EXOC2: variants seen among roughly 807,000 people sequenced by gnomAD.
EXOC2 encodes the protein SEC5-like 1.
EXOC2 carries 70 observed loss-of-function variants against 131.8 expected under a neutral mutation model. That is an observed-to-expected ratio of 0.53 (90% CI 0.44 to 0.65). The LOEUF (loss-of-function observed/expected upper bound fraction) is 0.65. Ranked by LOEUF, EXOC2 falls within the 30% of genes least tolerant of loss-of-function variation. The pLI is 0.00. For missense variants in EXOC2, 923 were observed against 1,108.6 expected, an observed-to-expected ratio of 0.83 and a Z score of 2.38; for synonymous variants, 411 against 398.4, an observed-to-expected ratio of 1.03 and a Z score of -0.38.
intron 6 of EXOC2, among the ~76,000 whole-genome samples, chr6:616,416 A>T (rs2127674081): frequency 6.6e-6 from 1 of 151,956 alleles, no homozygotes; most frequent in East Asian, 2.0e-4. Context: ...ATCCTGGCTA[A>T]CACGGTGAAA....
Position 659,998 on chromosome 6 carries a change from G to A in EXOC2, c.-43-22137C>T, listed in dbSNP as rs9504642. Among the ~76,000 whole-genome samples the A allele has an allele frequency of 4.0e-5, 6 of 151,620 alleles. No homozygotes were observed. The South Asian group carries it at 6.3e-4, about 16-fold the overall frequency. On this transcript the variant is annotated intron_variant, in intron 1 of 27. Transcript: ENST00000230449. ...CCGTCTTGCCACTCAGGGCTGTTGG[G>A]GGGGGGACACGGGGGGCACGGTGGT...
At chr6:557,378 G>T (rs1456420380) in intron 17 of EXOC2, among the ~76,000 whole-genome samples, 2 of 152,136 alleles carry the variant, frequency 1.3e-5, no homozygotes, top group Non-Finnish European at 2.9e-5. Context: ...CCAGCATTTT[G>T]GGAGGCTGCG....
intron 12 of EXOC2, among the ~76,000 whole-genome samples, chr6:574,631 TCTTTA>T (rs1235247549): frequency 1.3e-5 from 2 of 152,212 alleles, no homozygotes; most frequent in Non-Finnish European, 2.9e-5. Context: ...AAGGAACGGT[TCTTTA>T]CTTAAGGGCA....
In EXOC2 at chr6:663,914, C is replaced by T. The variant is rs1010072208; in HGVS notation, c.-43-26053G>A. Reference sequence around the variant, plus strand: ...GCCCACTCTCACCACTCCTCTTCAACATAGTACTGCAAGTCCTAGCCAGAG... The same window carrying T: ...GCCCACTCTCACCACTCCTCTTCAATATAGTACTGCAAGTCCTAGCCAGAG... On this transcript the variant is annotated intron_variant, in intron 1 of 27. Transcript: ENST00000230449. Among the ~76,000 whole-genome samples the T allele has an allele frequency of 2.6e-5, 4 of 152,184 alleles. No individual in the cohort carries two copies. In the East Asian group the frequency reaches 5.8e-4, roughly 22 times the overall value.
chr6:527,124 G>C (rs1242888668), intron 23 of EXOC2, among the ~76,000 whole-genome samples: 1 of 152,150 alleles, frequency 6.6e-6, no homozygotes, highest in Non-Finnish European at 1.5e-5. Flanking sequence ...TATTTTATAA[G>C]GACCTGAAAA....
At chr6:538,726 T>A (rs1375138835) in intron 22 of EXOC2, among the ~76,000 whole-genome samples, 1 of 152,204 alleles carries the variant, frequency 6.6e-6, no homozygotes, top group Admixed American at 6.5e-5. Flanking sequence ...GCAATGCGCA[T>A]TCAGTATGTT....
intron 1 of EXOC2, among the ~76,000 whole-genome samples, chr6:685,358 A>T (rs968858990): frequency 1.3e-5 from 2 of 152,186 alleles, no homozygotes; most frequent in African/African-American, 4.8e-5. Flanking sequence ...GGCACCATAA[A>T]ATATAATCAA....
At chr6:588,093 A>G (rs1221419009) in intron 11 of EXOC2, among the ~76,000 whole-genome samples, 19 of 152,170 alleles carry the variant, frequency 1.2e-4, no homozygotes, top group Admixed American at 1.2e-3. Flanking sequence ...GCTTTTAAAT[A>G]TAAGTGGGAT....
At chr6:619,985 T>C (rs2127681622) in intron 4 of EXOC2, among the ~76,000 whole-genome samples, 1 of 152,342 alleles carries the variant, frequency 6.6e-6, no homozygotes, top group African/African-American at 2.4e-5. Context: ...TGAAAGTTGT[T>C]TTAAGACATA....
At chr6:656,549 C>T in intron 1 of EXOC2, 1 of 1,599,068 alleles carries the variant, frequency 6.3e-7, no homozygotes, top group South Asian at 1.1e-5. Context: ...CCCGCACGGG[C>T]AGATCGTGCA....
At chr6:535,270 T>C (rs1354797985) in intron 22 of EXOC2, among the ~76,000 whole-genome samples, 2 of 152,036 alleles carry the variant, frequency 1.3e-5, no homozygotes, top group Admixed American at 1.3e-4. Context: ...GGGGCTATGG[T>C]GAGAGAATGA....
rs1758603913 is a variant in EXOC2, at chr6:576,770, A to G, written c.1305T>C (p.Ser435=). The change falls in exon 12 of 28, where the codon TCT becomes TCC. Residue 435 remains serine, a synonymous_variant. Coordinates refer to ENST00000230449, the MANE Select transcript of EXOC2 (RefSeq NM_018303.6). ...ASLKRGSSFQ[S]GRDDTWRYKT... ...GGAGATACTTACTGTCGTCTCGACCAGACTGAAAGCTGCTGCCCCTCTTCA... is the reference window on the plus strand; with the variant it reads ...GGAGATACTTACTGTCGTCTCGACCGGACTGAAAGCTGCTGCCCCTCTTCA... 6.2e-7 allele frequency: 1 copy of G among 1,614,122 alleles called. No homozygotes were observed. The highest frequency in any genetic ancestry group is 8.5e-7 in the Non-Finnish European group (1 of 1,179,984).
At chr6:534,501 T>G (rs1204708167) in intron 22 of EXOC2, among the ~76,000 whole-genome samples, 2 of 152,158 alleles carry the variant, frequency 1.3e-5, no homozygotes, top group African/African-American at 4.8e-5. Flanking sequence ...AACAATAATT[T>G]ACTTACAAAG....
At chr6:503,014 G>C (rs906879482) in intron 23 of EXOC2, among the ~76,000 whole-genome samples, 1 of 152,210 alleles carries the variant, frequency 6.6e-6, no homozygotes, top group African/African-American at 2.4e-5. Flanking sequence ...GCCGGAGTGA[G>C]GCGGAGCTCT....
intron 25 of EXOC2, among the ~76,000 whole-genome samples, chr6:495,509 G>A (rs1214108219): frequency 1.3e-5 from 2 of 152,130 alleles, no homozygotes; most frequent in Non-Finnish European, 2.9e-5. Context: ...CAACATATAC[G>A]AAACTGAAAA....
At chr6:555,887 T>C in intron 19 of EXOC2, 67 bp downstream of exon 19, 1 of 1,463,450 alleles carries the variant, frequency 6.8e-7, no homozygotes. Context: ...AGATTATAAA[T>C]AGGAGAGGGG....
chr6:659,862 C>T (rs1240208429), intron 1 of EXOC2, among the ~76,000 whole-genome samples: 1 of 152,080 alleles, frequency 6.6e-6, no homozygotes, highest in Non-Finnish European at 1.5e-5. Context: ...GCCTCCTGGC[C>T]AGAACTTGGG....
At chr6:640,928 A>G (rs1762325447) in intron 1 of EXOC2, among the ~76,000 whole-genome samples, 1 of 152,316 alleles carries the variant, frequency 6.6e-6, no homozygotes, top group South Asian at 2.1e-4. Flanking sequence ...TTTGATACCA[A>G]ATTAATATCG....
At chr6:490,546 AG>A (rs1235995070) in intron 26 of EXOC2, among the ~76,000 whole-genome samples, 1 of 152,252 alleles carries the variant, frequency 6.6e-6, no homozygotes, top group Non-Finnish European at 1.5e-5. Flanking sequence ...GAAATGAGTG[AG>A]TAAGCATATT....
Sources: allele counts gnomAD v4.1 joint callset (sites outside exome capture counted in the v4.1 genomes callset), GRCh38; gene constraint gnomAD v4.1.1; transcripts MANE v1.5; gene names NCBI Gene and HGNC (gene_info 2026-07-23, HGNC 2026-07-21).